Variants in MYO5C observed in about 807,000 individuals in gnomAD.
MYO5C encodes the protein myosin VC.
A neutral mutation model predicts 235.7 loss-of-function variants in MYO5C; 194 were observed. The ratio of observed to expected loss-of-function variants is 0.82; its 90% CI spans 0.73 to 0.93. The LOEUF is 0.93. Ranked by LOEUF, MYO5C falls within the 40% of genes least tolerant of loss-of-function variation. The probability of loss-of-function intolerance (pLI) is 0.00; values close to 1 mark genes in which losing one functional copy is unlikely to be tolerated. For synonymous variants in MYO5C, 707 were observed against 754.8 expected (o/e 0.94, Z 1.04); for missense variants, 2,038 against 2,127.2 (o/e 0.96, Z 0.82).
rs1294399820 is a variant in MYO5C at position 52,222,686 on chromosome 15, TCTGA to T, written c.3627+854_3627+857del. On this transcript the variant is annotated intron_variant, in intron 29 of 40. Transcript: ENST00000261839. The stretch of plus-strand genomic sequence containing the variant: ...AGTATGCCTAGAGGGTCTTTGTAAG[TCTGA>T]CTAAGACCCCAAAGAAATGGGTGAT... 1.1e-4 allele frequency among the ~76,000 whole-genome samples: 17 copies of T among 151,918 alleles called. No individual in the cohort carries two copies. In the South Asian group the frequency reaches 2.3e-3, roughly 20 times the overall value.
intron 39 of MYO5C, among the ~76,000 whole-genome samples, chr15:52,195,962 C>CTTTTTTTTTTTTT (rs71130140): frequency 3.1e-4 from 25 of 80,980 alleles, no homozygotes; most frequent in African/African-American, 5.9e-4. Flanking sequence ...TCACACCCAG[C>CTTTTTTTTTTTTT]TTTTTTTTTT....
rs902655167 is a variant in MYO5C, at chr15:52,295,592, C to T, written c.27+18G>A. The T allele has an allele frequency of 1.9e-5, 28 of 1,499,770 alleles. No individual in the cohort carries two copies. The highest frequency in any genetic ancestry group is 2.4e-5 in the Non-Finnish European group (27 of 1,126,988). The allele number at this position is 1,499,770 out of a possible 1,614,324, so 92.9% of individuals were successfully genotyped here. A position where few individuals can be genotyped will look rare whatever the true frequency, so the allele number is the denominator to read the frequency against. ...GGCTCCCCCACAGCGCTCCCAGGAG[C>T]CCAGCGGACCCTCCTACCTGCGTGT... On this transcript the variant is annotated intron_variant, in intron 1 of 40. Transcript: ENST00000261839.
At chr15:52,223,796 A>G (rs1031037373) in intron 28 of MYO5C, 72 bp from the exon 29 acceptor site, 2 of 1,376,922 alleles carry the variant, frequency 1.5e-6, no homozygotes, top group African/African-American at 2.9e-5. Flanking sequence ...GGAGGCAGTT[A>G]TGAAGACCCA....
At chr15:52,286,957 GAAAAAAA>G (rs1012679471) in intron 1 of MYO5C, among the ~76,000 whole-genome samples, 17 of 111,994 alleles carry the variant, frequency 1.5e-4, no homozygotes, top group Non-Finnish European at 1.1e-4. Flanking sequence ...AAAGAAAAAA[GAAAAAAA>G]AAAAAGAAAA....
rs2035303295 is a variant in MYO5C at position 52,205,964 on chromosome 15, T to A, written c.4389A>T (p.Glu1463Asp). The change falls in exon 37 of 41, where the codon GAA becomes GAT. Residue 1463 changes from glutamate to aspartate, a missense_variant and splice_region_variant. Coordinates refer to ENST00000261839, the MANE Select transcript of MYO5C (RefSeq NM_018728.4). ...NCLKQYSGEE[E>D]FMKHNSPQQN... ...GCTGTGGACTATTATGCTTCATGAA[T>A]TCCTAAAAGTAATTTTAAACATAAA... 1 of 1,521,304 alleles carries A rather than the reference T, an allele frequency of 6.6e-7. No homozygotes were observed. Among genetic ancestry groups the A allele is most frequent in the African/African-American group, 1.4e-5 (1 of 72,154 alleles). 94.2% of individuals were successfully genotyped at this position (1,521,304 alleles called of 1,614,324 possible). A position where few individuals can be genotyped will look rare whatever the true frequency, so the allele number is the denominator to read the frequency against.
At chr15:52,236,094 C>T (rs567427080) in intron 22 of MYO5C, among the ~76,000 whole-genome samples, 4 of 152,286 alleles carry the variant, frequency 2.6e-5, no homozygotes, top group South Asian at 2.1e-4. Context: ...CTTTATATGT[C>T]GAATATGCTA....
At chr15:52,261,516 T>TG (rs1452810114) in intron 9 of MYO5C, among the ~76,000 whole-genome samples, 2 of 152,200 alleles carry the variant, frequency 1.3e-5, no homozygotes, top group Non-Finnish European at 2.9e-5. Flanking sequence ...CTGGGCCACT[T>TG]GTCAGAGTGT....
intron 13 of MYO5C, among the ~76,000 whole-genome samples, chr15:52,250,319 T>G (rs1241389999): frequency 2.0e-5 from 3 of 149,698 alleles, no homozygotes; most frequent in Non-Finnish European, 4.4e-5. Flanking sequence ...CTTGGCTCAA[T>G]GCAACCTCCG....
At chr15:52,266,943 A>G (rs1444668772) in intron 8 of MYO5C, among the ~76,000 whole-genome samples, 1 of 152,158 alleles carries the variant, frequency 6.6e-6, no homozygotes, top group Non-Finnish European at 1.5e-5. Flanking sequence ...TAATGCCTTG[A>G]GAGGACACGG....
At position 52,218,459 on chromosome 15, in the gene MYO5C, C is replaced by G. The variant is rs916735195; in HGVS notation, c.3954+60G>C. 9.2e-6 allele frequency: 14 copies of G among 1,517,530 alleles called. No individual in the cohort carries two copies. In the African/African-American group the frequency reaches 1.9e-4, roughly 21 times the overall value. The allele number at this position is 1,517,530 out of a possible 1,614,324, so 94.0% of individuals were successfully genotyped here. ...ATCATATGCTTTAGGTGGCATGTCCCCCCTTTCAGCAACATCTGCACACAG... is the reference window on the plus strand; with the variant it reads ...ATCATATGCTTTAGGTGGCATGTCCGCCCTTTCAGCAACATCTGCACACAG... On this transcript the variant is annotated intron_variant, in intron 32 of 40. Transcript: ENST00000261839.
Position 52,277,790 on chromosome 15 carries a change from C to T in MYO5C, c.449+1083G>A, listed in dbSNP as rs535329076. ...TCTGATGACTCTGAAGAAGCTCGGTCTAGCCCCAGACTGCCCATCAGACAT... is the reference window on the plus strand; with the variant it reads ...TCTGATGACTCTGAAGAAGCTCGGTTTAGCCCCAGACTGCCCATCAGACAT... On this transcript the variant is annotated intron_variant, in intron 4 of 40. Coordinates refer to ENST00000261839, the MANE Select transcript of MYO5C (RefSeq NM_018728.4). 341 of 453,706 alleles carry T rather than the reference C, an allele frequency of 7.5e-4. 1 individual carries two copies. The highest frequency in any genetic ancestry group is 5.3e-3 in the Middle Eastern group (8 of 1,502). The allele number at this position is 453,706 out of a possible 1,614,324, so 28.1% of individuals were successfully genotyped here.
intron 32 of MYO5C, among the ~76,000 whole-genome samples, chr15:52,216,118 T>A (rs2035544742): frequency 6.6e-6 from 1 of 152,120 alleles, no homozygotes; most frequent in South Asian, 2.1e-4. Context: ...CTCAAGAAAG[T>A]TTATACCAAT....
At chr15:52,272,446 C>A in intron 6 of MYO5C, 134 bp downstream of exon 6, 2 of 828,686 alleles carry the variant, frequency 2.4e-6, no homozygotes, top group East Asian at 2.6e-5. Context: ...AAAAAGAATC[C>A]AAACTGCAAA....
chr15:52,210,796 A>G (rs1217342608), intron 35 of MYO5C, among the ~76,000 whole-genome samples: 1 of 152,256 alleles, frequency 6.6e-6, no homozygotes, highest in Non-Finnish European at 1.5e-5. Context: ...AAAAATAATC[A>G]GTATGCTAAG....
At chr15:52,222,768 C>A (rs2035723229) in intron 29 of MYO5C, among the ~76,000 whole-genome samples, 1 of 152,064 alleles carries the variant, frequency 6.6e-6, no homozygotes, top group Admixed American at 6.5e-5. Flanking sequence ...TGAGGAGATT[C>A]CTAAAGCATT....
intron 11 of MYO5C, 52 bp downstream of exon 11, chr15:52,256,587 A>ACACGCGCGCGCGCACGCGCGCGCG: frequency 2.6e-6 from 1 of 387,552 alleles, no homozygotes; most frequent in Admixed American, 3.8e-5. Context: ...ACACACACAC[A>ACACGCGCGCGCGCACGCGCGCGCG]CGCGCGCGCG....
At chr15:52,238,107 C>T (rs1243110271) in intron 21 of MYO5C, among the ~76,000 whole-genome samples, 2 of 152,134 alleles carry the variant, frequency 1.3e-5, no homozygotes, top group Non-Finnish European at 2.9e-5. Context: ...GAGGGAAGAT[C>T]ATGTGAAGAC....
rs1249740493 is a variant in MYO5C, at chr15:52,272,561, A to G, written c.750+19T>C. 6.2e-7 allele frequency: 1 copy of G among 1,608,592 alleles called. No individual in the cohort carries two copies. The highest frequency in any genetic ancestry group is 8.5e-7 in the Non-Finnish European group (1 of 1,178,120). Reference sequence around the variant, plus strand: ...AAATAATGCTCAAAAAGTTGGGGAAAAGGAAATTTAATACTTACTTGAAAG... The same window carrying G: ...AAATAATGCTCAAAAAGTTGGGGAAGAGGAAATTTAATACTTACTTGAAAG... On this transcript the variant is annotated intron_variant, in intron 6 of 40. Coordinates refer to ENST00000261839, the MANE Select transcript of MYO5C (RefSeq NM_018728.4).
chr15:52,206,398 T>C lies in MYO5C; in HGVS notation c.4387-432A>G, dbSNP rs115888488. Among the ~76,000 whole-genome samples, 547 of 152,338 alleles carry C rather than the reference T, an allele frequency of 3.6e-3. 6 individuals are homozygous for C. Among genetic ancestry groups the C allele is most frequent in the African/African-American group, 0.013 (530 of 41,588 alleles). On this transcript the variant is annotated intron_variant, in intron 36 of 40. Coordinates refer to ENST00000261839, the MANE Select transcript of MYO5C (RefSeq NM_018728.4). The stretch of plus-strand genomic sequence containing the variant: ...AAGTGTGTGTTATGGATTTTATGTG[T>C]CTTCCTAAAAATCATACATTGAAGC...
Sources: gnomAD v4.1 joint callset for allele counts (sites outside exome capture counted in the v4.1 genomes callset) on GRCh38, gnomAD v4.1.1 for gene constraint, MANE v1.5 for transcripts, NCBI Gene and HGNC (gene_info 2026-07-23, HGNC 2026-07-21) for gene names.